Variants in DENND1A observed in about 807,000 individuals in gnomAD.
DENND1A encodes the protein DENN domain containing 1A.
Under a neutral mutation model 113.7 loss-of-function variants are expected in DENND1A, and 51 were observed. That is an observed-to-expected ratio of 0.45 (90% CI 0.36 to 0.57). The LOEUF is 0.57. DENND1A is among the 20% of genes least tolerant of loss of function. DENND1A has a pLI of 0.00. For missense variants in DENND1A, 1,258 were observed against 1,395.9 expected (o/e 0.90, Z 1.57); for synonymous variants, 565 against 570.8 (o/e 0.99, Z 0.14).
chr9:123,767,664 G>GCA (rs1298077918), intron 4 of DENND1A, among the ~76,000 whole-genome samples: 1 of 152,178 alleles, frequency 6.6e-6, no homozygotes, highest in Admixed American at 6.5e-5. Flanking sequence ...ATGTGTGTAT[G>GCA]CACACACACA....
At chr9:123,453,960 T>C (rs758481964) in intron 16 of DENND1A, among the ~76,000 whole-genome samples, 12 of 152,210 alleles carry the variant, frequency 7.9e-5, no homozygotes, top group African/African-American at 1.7e-4. Flanking sequence ...TGTTTGGCCA[T>C]ACAAGAGGAA....
intron 2 of DENND1A, among the ~76,000 whole-genome samples, chr9:123,849,661 T>C (rs887537417): frequency 6.6e-6 from 1 of 152,186 alleles, no homozygotes; most frequent in South Asian, 2.1e-4. Flanking sequence ...AAGAAATACA[T>C]AAGGCTATAG....
intron 13 of DENND1A, among the ~76,000 whole-genome samples, chr9:123,475,192 T>G (rs1004333008): frequency 1.6e-4 from 24 of 152,126 alleles, no homozygotes; most frequent in African/African-American, 5.6e-4. Flanking sequence ...CTAATTTTTG[T>G]ATTTTTAGTA....
At chr9:123,718,120 C>G in intron 5 of DENND1A, among the ~76,000 whole-genome samples, 1 of 152,144 alleles carries the variant, frequency 6.6e-6, no homozygotes, top group East Asian at 1.9e-4. Context: ...GCCTTAAAAG[C>G]ACATACACTA....
chr9:123,744,004 C>T (rs1267011014), intron 5 of DENND1A, among the ~76,000 whole-genome samples: 1 of 151,986 alleles, frequency 6.6e-6, no homozygotes, highest in Admixed American at 6.6e-5. Context: ...TAAAGTACTG[C>T]CGTTTGTGGC....
rs2052645849 is a variant in DENND1A at position 123,503,279 on chromosome 9, C to T, written c.994-45382G>A. On this transcript the variant is annotated intron_variant, in intron 13 of 23. Coordinates refer to ENST00000394215, the MANE Select transcript of DENND1A (RefSeq NM_001352964.2). The stretch of plus-strand genomic sequence containing the variant: ...TTTATGCCTCTGTCTCCTTATTCAT[C>T]AAAGTGGAACAACAGCAATATCTTT... Among the ~76,000 whole-genome samples, 5 of 152,156 alleles carry T rather than the reference C, an allele frequency of 3.3e-5. No homozygotes were observed. The South Asian group carries it at 1.0e-3, about 32-fold the overall frequency.
rs1440992038 is a variant in DENND1A, at chr9:123,749,854, G to T, written c.302+7849C>A. 2.0e-5 allele frequency among the ~76,000 whole-genome samples: 3 copies of T among 152,214 alleles called. No individual in the cohort carries two copies. The East Asian group carries it at 5.8e-4, about 29-fold the overall frequency. On this transcript the variant is annotated intron_variant, in intron 5 of 23. Transcript: ENST00000394215. ...CTTCATGAGGATTAATGACAAGGAA[G>T]TGTTCTGTTTCCAAAACAGAGAAAG...
intron 2 of DENND1A, among the ~76,000 whole-genome samples, chr9:123,830,873 G>GAAAAAAAAA (rs71390447): frequency 2.0e-4 from 8 of 39,310 alleles, no homozygotes; most frequent in East Asian, 9.1e-4. Flanking sequence ...TCTCAAAAAT[G>GAAAAAAAAA]AAAAAAAAAA....
chr9:123,689,388 G>A (rs1026548258), intron 5 of DENND1A, among the ~76,000 whole-genome samples: 2 of 152,110 alleles, frequency 1.3e-5, no homozygotes, highest in Non-Finnish European at 2.9e-5. Flanking sequence ...CTTTTAATGA[G>A]TTACTACAAA....
chr9:123,654,881 G>T (rs1267048446), intron 8 of DENND1A, among the ~76,000 whole-genome samples: 4 of 152,192 alleles, frequency 2.6e-5, no homozygotes, highest in Non-Finnish European at 5.9e-5. Flanking sequence ...CACCTGTGGG[G>T]CAGAGCGGGG....
At position 123,625,637 on chromosome 9, in the gene DENND1A, G is replaced by C. The variant is rs188115969; in HGVS notation, c.719+4739C>G. Reference sequence around the variant, plus strand: ...TATGCACCTGTGATTCCAGCTACTAGGCAGGCAGAGGCAGGAGAATCGCTT... The same window carrying C: ...TATGCACCTGTGATTCCAGCTACTACGCAGGCAGAGGCAGGAGAATCGCTT... On this transcript the variant is annotated intron_variant, in intron 10 of 23. Coordinates refer to ENST00000394215, the MANE Select transcript of DENND1A (RefSeq NM_001352964.2). Among the ~76,000 whole-genome samples the C allele has an allele frequency of 2.3e-3, 352 of 152,284 alleles. 1 individual carries two copies. Among genetic ancestry groups the C allele is most frequent in the African/African-American group, 8.3e-3 (343 of 41,546 alleles).
intron 2 of DENND1A, among the ~76,000 whole-genome samples, chr9:123,840,571 C>A (rs1283750951): frequency 6.6e-6 from 1 of 152,140 alleles, no homozygotes. Flanking sequence ...GAATAGCTGA[C>A]ACATGAAAGG....
intron 5 of DENND1A, among the ~76,000 whole-genome samples, chr9:123,750,024 A>G (rs1265310554): frequency 1.3e-5 from 2 of 152,160 alleles, no homozygotes; most frequent in Non-Finnish European, 2.9e-5. Context: ...TGTCCTCTGA[A>G]AAGAATCAGG....
At chr9:123,566,942 A>ACACACACACACACAC (rs1554883243) in intron 12 of DENND1A, among the ~76,000 whole-genome samples, 1 of 73,108 alleles carries the variant, frequency 1.4e-5, no homozygotes, top group South Asian at 3.8e-4. Flanking sequence ...CACACACACA[A>ACACACACACACACAC]ACACACACAC....
At chr9:123,774,287 T>C (rs1830158721) in intron 3 of DENND1A, among the ~76,000 whole-genome samples, 1 of 152,062 alleles carries the variant, frequency 6.6e-6, no homozygotes, top group Admixed American at 6.6e-5. Flanking sequence ...ACACACAAAA[T>C]CCAAACATAC....
intron 12 of DENND1A, among the ~76,000 whole-genome samples, chr9:123,564,695 T>C (rs577185127): frequency 6.6e-6 from 1 of 152,268 alleles, no homozygotes; most frequent in Non-Finnish European, 1.5e-5. Context: ...ACTTGAAATG[T>C]GGCTGGTGTG....
chr9:123,799,712 C>A (rs1834329497), intron 2 of DENND1A, among the ~76,000 whole-genome samples: 1 of 152,186 alleles, frequency 6.6e-6, no homozygotes, highest in African/African-American at 2.4e-5. Context: ...AATGTCTTAA[C>A]TGTTATAAAT....
At chr9:123,465,957 GA>G (rs1372615715) in intron 13 of DENND1A, among the ~76,000 whole-genome samples, 2 of 152,242 alleles carry the variant, frequency 1.3e-5, no homozygotes, top group East Asian at 3.9e-4. Context: ...TCAGACAGTG[GA>G]AACACTGCAC....
chr9:123,487,459 T>C (rs1274359096), intron 13 of DENND1A, among the ~76,000 whole-genome samples: 3 of 152,192 alleles, frequency 2.0e-5, no homozygotes, highest in Non-Finnish European at 4.4e-5. Context: ...AGGTCACAGT[T>C]CTTGGTTTTC....
Sources: gnomAD v4.1 joint callset for allele counts (sites outside exome capture counted in the v4.1 genomes callset) on GRCh38, gnomAD v4.1.1 for gene constraint, MANE v1.5 for transcripts, NCBI Gene and HGNC (gene_info 2026-07-23, HGNC 2026-07-21) for gene names.